Variants in AGMO observed in about 807,000 individuals in gnomAD.
AGMO encodes alkylglycerol monooxygenase.
AGMO carries 75 observed loss-of-function variants against 60.2 expected under a neutral mutation model. The observed-to-expected ratio is 1.25, with a 90% CI of 1.03 to 1.51. The LOEUF (loss-of-function observed/expected upper bound fraction) is 1.51. Ranked by LOEUF, AGMO falls within the 40% of genes most tolerant of loss-of-function variation. AGMO has a pLI of 0.00. For synonymous variants in AGMO, 261 were observed against 177.1 expected (o/e 1.47, Z -3.76); for missense variants, 763 against 525.5 (o/e 1.45, Z -4.42).
rs1562557637 is a variant in AGMO at position 15,531,587 on chromosome 7, A to ATATATATTCTATATATATATTCTC, written c.409+13184_409+13185insGAGAATATATATATAGAATATATA. On this transcript the variant is annotated intron_variant, in intron 3 of 12. Transcript: ENST00000342526. ...TCTATATATTCCATATATATATTCT[A>ATATATATTCTATATATATATTCTC]TATATATTCTATATATATATTCTAT... 1.7e-3 allele frequency among the ~76,000 whole-genome samples: 140 copies of ATATATATTCTATATATATATTCTC among 82,396 alleles called. 17 individuals are homozygous for ATATATATTCTATATATATATTCTC. Among genetic ancestry groups the ATATATATTCTATATATATATTCTC allele is most frequent in the African/African-American group, 0.011 (136 of 12,764 alleles). The allele number at this position is 82,396 out of a possible 152,430, so 54.1% of individuals were successfully genotyped here. A position where few individuals can be genotyped will look rare whatever the true frequency, so the allele number is the denominator to read the frequency against.
intron 12 of AGMO, among the ~76,000 whole-genome samples, chr7:15,286,385 A>C (rs891089404): frequency 2.0e-5 from 3 of 152,082 alleles, no homozygotes; most frequent in Non-Finnish European, 4.4e-5. Flanking sequence ...GAAAAAAAAC[A>C]AATAATCCCA....
At chr7:15,431,425 A>C (rs575347101) in intron 3 of AGMO, among the ~76,000 whole-genome samples, 93 of 152,038 alleles carry the variant, frequency 6.1e-4, no homozygotes, top group African/African-American at 2.2e-3. Flanking sequence ...ATGACAGATT[A>C]TAAAAGCTAG....
At chr7:15,140,579 T>C in the AGMO span, among the ~76,000 whole-genome samples, 1 of 152,176 alleles carries the variant, frequency 6.6e-6, no homozygotes, top group Non-Finnish European at 1.5e-5. Context: ...TTTAATCTCC[T>C]TGCTTCCTTG....
At chr7:15,318,334 A>C (rs1344171815) in intron 12 of AGMO, among the ~76,000 whole-genome samples, 1 of 152,082 alleles carries the variant, frequency 6.6e-6, no homozygotes, top group Non-Finnish European at 1.5e-5. Context: ...AAGTCTTGGC[A>C]TTATTCTTTA....
At chr7:15,138,571 G>A in the AGMO span, among the ~76,000 whole-genome samples, 7 of 152,072 alleles carry the variant, frequency 4.6e-5, no homozygotes, top group African/African-American at 1.4e-4. Flanking sequence ...ACCTGAAAGC[G>A]TTTACAACTA....
chr7:15,251,975 C>T (rs1431371279), intron 12 of AGMO, among the ~76,000 whole-genome samples: 3 of 152,188 alleles, frequency 2.0e-5, no homozygotes, highest in Admixed American at 1.3e-4. Flanking sequence ...TCATAGTTTG[C>T]TCCCATTCTG....
intron 12 of AGMO, among the ~76,000 whole-genome samples, chr7:15,249,136 G>T (rs1486049516): frequency 6.6e-6 from 1 of 152,100 alleles, no homozygotes; most frequent in African/African-American, 2.4e-5. Context: ...ATTTTTTCAA[G>T]AAATAGTATT....
intron 9 of AGMO, among the ~76,000 whole-genome samples, chr7:15,386,103 C>A (rs1048515620): frequency 6.6e-6 from 1 of 151,966 alleles, no homozygotes; most frequent in African/African-American, 2.4e-5. Flanking sequence ...ACTGCTTGAA[C>A]CTGGTAGGCA....
At chr7:15,440,099 T>C (rs993188045) in intron 3 of AGMO, among the ~76,000 whole-genome samples, 1 of 152,196 alleles carries the variant, frequency 6.6e-6, no homozygotes, top group African/African-American at 2.4e-5. Context: ...AGAGAGATGC[T>C]TGTGGGCTTC....
At chr7:15,279,323 T>C (rs969668295) in intron 12 of AGMO, among the ~76,000 whole-genome samples, 9 of 152,104 alleles carry the variant, frequency 5.9e-5, no homozygotes, top group African/African-American at 1.4e-4. Flanking sequence ...CTGATTCCAA[T>C]TGCCTATCTG....
At chr7:15,450,070 T>C in intron 3 of AGMO, among the ~76,000 whole-genome samples, 1 of 152,244 alleles carries the variant, frequency 6.6e-6, no homozygotes. Flanking sequence ...AAACCCTTAG[T>C]AAATTTTTAG....
intron 12 of AGMO, among the ~76,000 whole-genome samples, chr7:15,330,851 C>A (rs1027477256): frequency 1.4e-4 from 22 of 151,940 alleles, no homozygotes; most frequent in African/African-American, 5.3e-4. Context: ...TAGAAATCCG[C>A]TGACAAACTG....
At chr7:15,206,179 T>C (rs1012615611) in intron 12 of AGMO, among the ~76,000 whole-genome samples, 3 of 152,072 alleles carry the variant, frequency 2.0e-5, no homozygotes, top group African/African-American at 7.2e-5. Context: ...GGAACTAGAA[T>C]ATAAATTAGA....
intron 3 of AGMO, among the ~76,000 whole-genome samples, chr7:15,486,268 T>C (rs1431807905): frequency 1.3e-5 from 2 of 152,160 alleles, no homozygotes; most frequent in Non-Finnish European, 2.9e-5. Flanking sequence ...TTTCTGACAG[T>C]AACGGGTACC....
intron 11 of AGMO, 145 bp from the exon 12 acceptor site, chr7:15,365,764 A>G: frequency 1.6e-6 from 1 of 617,018 alleles, no homozygotes; most frequent in African/African-American, 1.9e-5. Context: ...AGCAATTTGA[A>G]AACAGTGATT....
intron 3 of AGMO, among the ~76,000 whole-genome samples, chr7:15,480,970 G>T (rs1344278527): frequency 1.3e-5 from 2 of 151,968 alleles, no homozygotes; most frequent in African/African-American, 4.8e-5. Context: ...CATAATTAAT[G>T]TATAAACATT....
chr7:15,448,918 T>C (rs1392221432), intron 3 of AGMO, among the ~76,000 whole-genome samples: 1 of 152,158 alleles, frequency 6.6e-6, no homozygotes, highest in Non-Finnish European at 1.5e-5. Context: ...TTGTCACTGT[T>C]TTAAGGAAGA....
intron 12 of AGMO, among the ~76,000 whole-genome samples, chr7:15,277,428 C>T (rs577118680): frequency 6.6e-6 from 1 of 152,116 alleles, no homozygotes; most frequent in African/African-American, 2.4e-5. Context: ...TTGGTGGTGT[C>T]ATGACATTCA....
chr7:15,220,589 C>A (rs1174162615), intron 12 of AGMO, among the ~76,000 whole-genome samples: 1 of 151,738 alleles, frequency 6.6e-6, no homozygotes, highest in African/African-American at 2.4e-5. Flanking sequence ...GGCATACTGT[C>A]TTGTGCATGT....
Sources: allele counts gnomAD v4.1 joint callset (sites outside exome capture counted in the v4.1 genomes callset), GRCh38; gene constraint gnomAD v4.1.1; transcripts MANE v1.5; gene names NCBI Gene and HGNC (gene_info 2026-07-23, HGNC 2026-07-21).